CATSPERT: variants seen among roughly 807,000 people sequenced by gnomAD.
CATSPERT encodes cation channel sperm-associated targeting subunit tau.
the CATSPERT span, among the ~76,000 whole-genome samples, chr2:201,598,462 C>G: frequency 6.6e-6 from 1 of 151,994 alleles, no homozygotes; most frequent in Non-Finnish European, 1.5e-5. Flanking sequence ...TTATGATGTT[C>G]TGGCATCTTA....
the CATSPERT span, among the ~76,000 whole-genome samples, chr2:201,539,648 T>C: frequency 6.6e-6 from 1 of 151,832 alleles, no homozygotes; most frequent in African/African-American, 2.4e-5. Context: ...GCAAACTTAA[T>C]TTATAAATGT....
At chr2:201,584,639 C>T in the CATSPERT span, among the ~76,000 whole-genome samples, 921 of 151,916 alleles carry the variant, frequency 6.1e-3, 10 homozygotes, top group African/African-American at 0.022. Context: ...AAAATTTAGC[C>T]GGGCATGGTG....
chr2:201,499,824 C>A, the CATSPERT span, among the ~76,000 whole-genome samples: 7 of 148,086 alleles, frequency 4.7e-5, no homozygotes, highest in Non-Finnish European at 1.0e-4. Context: ...CAGAGTGAGA[C>A]CCTGTCTAAA....
At chr2:201,592,870 C>T in the CATSPERT span, among the ~76,000 whole-genome samples, 63,145 of 151,648 alleles carry the variant, frequency 0.42, 13,695 homozygotes, top group East Asian at 0.7. Flanking sequence ...ATTCTTCTCT[C>T]TTTTTTTCTT....
At chr2:201,590,588 T>A in the CATSPERT span, among the ~76,000 whole-genome samples, 2 of 152,154 alleles carry the variant, frequency 1.3e-5, no homozygotes, top group Admixed American at 6.5e-5. Flanking sequence ...TTGAACTAGT[T>A]TACAGTCCCA....
chr2:201,538,231 C>G, the CATSPERT span, among the ~76,000 whole-genome samples: 1 of 152,072 alleles, frequency 6.6e-6, no homozygotes, highest in Non-Finnish European at 1.5e-5. Flanking sequence ...CTGACTATTT[C>G]ATATACCTCA....
At chr2:201,574,145 T>C in the CATSPERT span, 153 of 1,203,874 alleles carry the variant, frequency 1.3e-4, no homozygotes, top group Non-Finnish European at 1.8e-4. Context: ...AAATAGAGCC[T>C]CAGAAGAGGA....
the CATSPERT span, chr2:201,582,070 G>A: frequency 1.3e-6 from 2 of 1,588,714 alleles, no homozygotes; most frequent in Middle Eastern, 1.7e-4. Context: ...TGATACCAAG[G>A]TGAAAAAAAT....
chr2:201,596,737 C>G, the CATSPERT span, among the ~76,000 whole-genome samples: 22 of 152,140 alleles, frequency 1.4e-4, no homozygotes, highest in African/African-American at 5.3e-4. Flanking sequence ...CAGATCCTTT[C>G]TCTTACTGTT....
At chr2:201,601,458 A>G in the CATSPERT span, among the ~76,000 whole-genome samples, 10,854 of 152,168 alleles carry the variant, frequency 0.071, 580 homozygotes, top group African/African-American at 0.14. Context: ...GAAGAGCAAG[A>G]TAGAGATAAA....
chr2:201,587,005 C>T, the CATSPERT span, among the ~76,000 whole-genome samples: 1 of 152,018 alleles, frequency 6.6e-6, no homozygotes, highest in Non-Finnish European at 1.5e-5. Context: ...TTTCTTCCTT[C>T]CTAATACAAT....
At chr2:201,490,910 A>C in the CATSPERT span, among the ~76,000 whole-genome samples, 1 of 151,944 alleles carries the variant, frequency 6.6e-6, no homozygotes, top group Non-Finnish European at 1.5e-5. Flanking sequence ...TTTTTAGTAG[A>C]AACGGGGTTT....
the CATSPERT span, among the ~76,000 whole-genome samples, chr2:201,600,993 G>T: frequency 6.6e-6 from 1 of 152,132 alleles, no homozygotes; most frequent in Non-Finnish European, 1.5e-5. Flanking sequence ...CAAGTAATCT[G>T]CCCACTTCAG....
At chr2:201,538,971 T>A in the CATSPERT span, among the ~76,000 whole-genome samples, 1 of 152,300 alleles carries the variant, frequency 6.6e-6, no homozygotes, top group African/African-American at 2.4e-5. Flanking sequence ...TCCAGCTCCA[T>A]CTATGCTCCT....
chr2:201,542,434 G>T, the CATSPERT span, among the ~76,000 whole-genome samples: 1 of 152,150 alleles, frequency 6.6e-6, no homozygotes, highest in East Asian at 1.9e-4. Context: ...TCATTTTTTT[G>T]AGTAACCACC....
chr2:201,611,575 G>A, the CATSPERT span, among the ~76,000 whole-genome samples: 1 of 151,836 alleles, frequency 6.6e-6, no homozygotes, highest in Non-Finnish European at 1.5e-5. Context: ...AACAAAGTAA[G>A]CCCAAAGTTA....
chr2:201,554,963 T>G, the CATSPERT span: 2 of 152,234 alleles, frequency 1.3e-5, no homozygotes, highest in African/African-American at 4.8e-5. Context: ...AATAGTCTTT[T>G]ATGATTAGCA....
chr2:201,491,375 A>G, the CATSPERT span: 1 of 1,536,954 alleles, frequency 6.5e-7, no homozygotes, highest in South Asian at 1.2e-5. Flanking sequence ...TGTGGTTTCA[A>G]GTTTTTCTCA....
chr2:201,522,305 T>C, the CATSPERT span, among the ~76,000 whole-genome samples: 4 of 151,900 alleles, frequency 2.6e-5, no homozygotes, highest in East Asian at 1.9e-4. Flanking sequence ...ATGAATTCAG[T>C]AAAAATGAAG....
Sources: allele counts gnomAD v4.1 joint callset (sites outside exome capture counted in the v4.1 genomes callset), GRCh38; gene constraint gnomAD v4.1.1; transcripts MANE v1.5; gene names NCBI Gene and HGNC (gene_info 2026-07-23, HGNC 2026-07-21).